Variants in DDX46 observed in about 807,000 individuals in gnomAD.
The protein encoded by DDX46 is DEAD-box helicase 46.
In DDX46, 30 loss-of-function variants were observed where a neutral mutation model predicts 134.9. The observed-to-expected ratio is 0.22, with a 90% CI of 0.17 to 0.30. The LOEUF is 0.30. Among genes scored for constraint, DDX46 ranks in the 10% least tolerant of loss-of-function variants. The pLI is 1.00. For synonymous variants in DDX46, 415 were observed against 404.1 expected (o/e 1.03, Z -0.32); for missense variants, 622 against 1,248.7 (o/e 0.50, Z 7.56).
intron 15 of DDX46, chr5:134,797,045 G>A (rs1357072842): frequency 4.9e-6 from 1 of 204,856 alleles, no homozygotes; most frequent in Non-Finnish European, 9.9e-6. Flanking sequence ...AGCTACTTGG[G>A]AGGCCGAGGC....
chr5:134,800,009 A>G (rs919674114), intron 15 of DDX46, among the ~76,000 whole-genome samples: 4 of 151,676 alleles, frequency 2.6e-5, no homozygotes, highest in East Asian at 3.9e-4. Context: ...GTGCAGTGGC[A>G]TGATCTAGGT....
chr5:134,768,959 G>A (rs1753670164), intron 3 of DDX46, among the ~76,000 whole-genome samples: 1 of 152,148 alleles, frequency 6.6e-6, no homozygotes, highest in African/African-American at 2.4e-5. Context: ...TCGGGAGGCT[G>A]AGGCAGGAGA....
intron 15 of DDX46, among the ~76,000 whole-genome samples, chr5:134,805,973 C>A (rs762377679): frequency 3.3e-5 from 5 of 151,818 alleles, no homozygotes; most frequent in Non-Finnish European, 5.9e-5. Context: ...AATTTCAGCA[C>A]TTTGGGAGGT....
At chr5:134,823,418 C>A (rs892521376) in intron 21 of DDX46, among the ~76,000 whole-genome samples, 7 of 152,068 alleles carry the variant, frequency 4.6e-5, no homozygotes, top group African/African-American at 1.7e-4. Context: ...GGATTACAGG[C>A]GAGAGCCACC....
chr5:134,828,862 C>A lies in DDX46; in HGVS notation c.*156C>A. ...ACTGGTACTTGGTAAAGAAATCTGT[C>A]CGTAAGTACCCCCACAATCAGTCAA... On this transcript the variant is annotated 3_prime_UTR_variant, in exon 23 of 23. Transcript: ENST00000452510. 2.3e-6 allele frequency: 1 copy of A among 435,298 alleles called. No homozygotes were observed. Among genetic ancestry groups the A allele is most frequent in the Non-Finnish European group, 3.8e-6 (1 of 259,922 alleles). The allele number at this position is 435,298 out of a possible 1,614,324, so 27.0% of individuals were successfully genotyped here.
intron 1 of DDX46, among the ~76,000 whole-genome samples, chr5:134,763,068 A>AT (rs925994499): frequency 6.6e-5 from 10 of 151,894 alleles, no homozygotes; most frequent in South Asian, 4.2e-4. Context: ...CAAAAAAAAA[A>AT]AATAATAATA....
intron 20 of DDX46, 137 bp downstream of exon 20, chr5:134,817,851 T>C: frequency 2.7e-6 from 2 of 743,262 alleles, no homozygotes; most frequent in Non-Finnish European, 4.3e-6. Context: ...ACAATAGAAA[T>C]TTGATTTTTA....
chr5:134,769,251 T>C (rs1753679524), intron 3 of DDX46, among the ~76,000 whole-genome samples: 1 of 151,974 alleles, frequency 6.6e-6, no homozygotes, highest in Non-Finnish European at 1.5e-5. Flanking sequence ...CAGTTTTTCT[T>C]GGGTTGAATT....
intron 15 of DDX46, among the ~76,000 whole-genome samples, chr5:134,796,575 G>A (rs1013255491): frequency 7.2e-5 from 11 of 152,146 alleles, no homozygotes; most frequent in South Asian, 2.1e-4. Context: ...AACACAGACC[G>A]GGCATGGTAG....
At chr5:134,768,540 G>A (rs1753654651) in intron 3 of DDX46, among the ~76,000 whole-genome samples, 1 of 151,506 alleles carries the variant, frequency 6.6e-6, no homozygotes, top group African/African-American at 2.4e-5. Flanking sequence ...AAACCTTTTA[G>A]AAGTTTGTGC....
intron 15 of DDX46, among the ~76,000 whole-genome samples, chr5:134,801,574 A>AT (rs1393908558): frequency 6.6e-6 from 1 of 151,672 alleles, no homozygotes; most frequent in East Asian, 1.9e-4. Flanking sequence ...ATTTTTTTAT[A>AT]TTTTTTTGTG....
chr5:134,817,582 A>G lies in DDX46; in HGVS notation c.2700A>G (p.Gln900=), dbSNP rs1456095690. Residue 900 remains glutamine, a synonymous_variant, in exon 20 of 23, where the codon CAA becomes CAG. Coordinates refer to ENST00000452510, the MANE Select transcript of DDX46 (RefSeq NM_001300860.2). ...TTTCTGCAAAAACCATTGCAGAACA[A>G]CTTGCTGAAAAGATCAATGCCAAGC... is the stretch of plus-strand genomic sequence containing the variant. ...PTVSAKTIAE[Q]LAEKINAKLN... 6.2e-7 allele frequency: 1 copy of G among 1,614,090 alleles called. No individual in the cohort carries two copies. The highest frequency in any genetic ancestry group is 1.3e-5 in the African/African-American group (1 of 74,944).
At chr5:134,824,259 A>G (rs1433340156) in intron 21 of DDX46, among the ~76,000 whole-genome samples, 2 of 152,244 alleles carry the variant, frequency 1.3e-5, no homozygotes, top group African/African-American at 4.8e-5. Context: ...TCAGTAAAAA[A>G]GCAACTTTGT....
intron 12 of DDX46, 144 bp from the exon 13 acceptor site, chr5:134,790,326 T>C (rs1347674895): frequency 2.9e-6 from 2 of 692,078 alleles, no homozygotes; most frequent in Non-Finnish European, 4.8e-6. Context: ...TTCTTTTCAC[T>C]TTTTAAAGAT....
chr5:134,811,659 TTAC>T (rs1284311690), intron 17 of DDX46, 34 bp from the exon 18 acceptor site: 2 of 1,562,446 alleles, frequency 1.3e-6, no homozygotes, highest in Admixed American at 4.2e-5. Context: ...ATTAAAGTTT[TTAC>T]TATGAGATTA....
chr5:134,819,638 T>C lies in DDX46; in HGVS notation c.2977+634T>C, dbSNP rs150955403. On this transcript the variant is annotated intron_variant, in intron 21 of 22. Coordinates refer to ENST00000452510, the MANE Select transcript of DDX46 (RefSeq NM_001300860.2). Reference sequence around the variant, plus strand: ...TCAACCTCCTGGGCTCAAGTGATCCTCCCACCTCAACACCCCCAAGTAGCT... The same window carrying C: ...TCAACCTCCTGGGCTCAAGTGATCCCCCCACCTCAACACCCCCAAGTAGCT... Among the ~76,000 whole-genome samples the C allele has an allele frequency of 5.5e-3, 835 of 151,726 alleles. 4 individuals are homozygous for C. Among genetic ancestry groups the C allele is most frequent in the Middle Eastern group, 0.041 (12 of 290 alleles).
chr5:134,798,617 C>A (rs1197615129), intron 15 of DDX46, among the ~76,000 whole-genome samples: 1 of 152,210 alleles, frequency 6.6e-6, no homozygotes, highest in African/African-American at 2.4e-5. Context: ...TAGAAACTAC[C>A]ATTTTAAGTA....
At position 134,785,009 on chromosome 5, in the gene DDX46, G is replaced by T. The variant is rs75385731; in HGVS notation, c.1343-456G>T. Among the ~76,000 whole-genome samples, 1,258 of 152,266 alleles carry T rather than the reference G, an allele frequency of 8.3e-3. 16 individuals are homozygous for T. Among genetic ancestry groups the T allele is most frequent in the African/African-American group, 0.028 (1,146 of 41,548 alleles). On this transcript the variant is annotated intron_variant, in intron 10 of 22. Coordinates refer to ENST00000452510, the MANE Select transcript of DDX46 (RefSeq NM_001300860.2). ...TTCATCTTGGCAGAGATAACTCTTG[G>T]AAAGTTGAGTAGGGTTTTGGAAAGT...
intron 12 of DDX46, chr5:134,789,972 C>A: frequency 2.5e-6 from 1 of 394,710 alleles, no homozygotes; most frequent in South Asian, 1.9e-5. Flanking sequence ...TTGACATGCC[C>A]ATTTAAGAAG....
Sources: allele counts gnomAD v4.1 joint callset (sites outside exome capture counted in the v4.1 genomes callset), GRCh38; gene constraint gnomAD v4.1.1; transcripts MANE v1.5; gene names NCBI Gene and HGNC (gene_info 2026-07-23, HGNC 2026-07-21).